The following CNTN4 variants were observed in gnomAD, a reference collection of about 807,000 sequenced individuals.
CNTN4 encodes the protein contactin 4, also known as contactin-4.
CNTN4 carries 77 observed loss-of-function variants against 122.5 expected under a neutral mutation model. That is an observed-to-expected ratio of 0.63 (90% CI 0.52 to 0.76). The LOEUF is 0.76. Among genes scored for constraint, CNTN4 ranks in the 30% least tolerant of loss-of-function variants. The pLI is 0.00. For missense variants in CNTN4, 1,256 were observed against 1,259.1 expected (o/e 1.00, Z 0.04); for synonymous variants, 512 against 447.0 (o/e 1.15, Z -1.83).
At chr3:2,481,167 G>A (rs1272897244) in intron 3 of CNTN4, among the ~76,000 whole-genome samples, 1 of 147,780 alleles carries the variant, frequency 6.8e-6, no homozygotes, top group Non-Finnish European at 1.5e-5. Flanking sequence ...TTGAAACAGA[G>A]TCTCGCTCTG....
intron 12 of CNTN4, among the ~76,000 whole-genome samples, chr3:2,916,973 C>T (rs369121213): frequency 3.8e-5 from 5 of 132,742 alleles, no homozygotes; most frequent in East Asian, 5.7e-4. Context: ...GAGGTTGCAG[C>T]GAGCCGAGAT....
intron 4 of CNTN4, among the ~76,000 whole-genome samples, chr3:2,667,520 A>C (rs933632366): frequency 1.3e-5 from 2 of 151,832 alleles, no homozygotes; most frequent in South Asian, 4.2e-4. Context: ...GATTACAAAA[A>C]TTTTCTCCCA....
chr3:2,535,321 T>G (rs1434125452), intron 3 of CNTN4, among the ~76,000 whole-genome samples: 1 of 152,198 alleles, frequency 6.6e-6, no homozygotes, highest in Non-Finnish European at 1.5e-5. Context: ...AGTTCTGCTT[T>G]CCCTTTGTTT....
At chr3:2,691,022 C>T (rs2085709908) in intron 4 of CNTN4, among the ~76,000 whole-genome samples, 1 of 152,198 alleles carries the variant, frequency 6.6e-6, no homozygotes, top group Non-Finnish European at 1.5e-5. Context: ...GAAACTGCTT[C>T]ATCACAAATA....
At position 2,709,538 on chromosome 3, in the gene CNTN4, C is replaced by T. The variant is rs190377928; in HGVS notation, c.56-26677C>T. On this transcript the variant is annotated intron_variant, in intron 4 of 24. Coordinates refer to ENST00000418658, the MANE Select transcript of CNTN4 (RefSeq NM_175607.3). This position sits in a 1 kb window ranked among gnomAD's most constrained non-coding sequence, Gnocchi z 5.0. Reference sequence around the variant, plus strand: ...CCTCAGGCTAAAGATTTATGCCAGACTTCTAGACCAGTCTCCTTTCCAATT... The same window carrying T: ...CCTCAGGCTAAAGATTTATGCCAGATTTCTAGACCAGTCTCCTTTCCAATT... Among the ~76,000 whole-genome samples, 1 of 152,192 alleles carries T rather than the reference C, an allele frequency of 6.6e-6. No individual in the cohort carries two copies. Among genetic ancestry groups the T allele is most frequent in the Non-Finnish European group, 1.5e-5 (1 of 68,040 alleles).
At chr3:2,233,047 C>T (rs2039548545) in intron 2 of CNTN4, among the ~76,000 whole-genome samples, 1 of 152,084 alleles carries the variant, frequency 6.6e-6, no homozygotes, top group Non-Finnish European at 1.5e-5. Context: ...TAATGGGGCG[C>T]CTGTTAAGAG....
chr3:2,269,982 G>T (rs1479727922), intron 2 of CNTN4, among the ~76,000 whole-genome samples: 5 of 101,714 alleles, frequency 4.9e-5, no homozygotes, highest in African/African-American at 1.5e-4. Flanking sequence ...TCGCTCTGTC[G>T]CCCAGGCCGG....
intron 8 of CNTN4, among the ~76,000 whole-genome samples, chr3:2,876,786 A>G (rs1449414307): frequency 2.0e-5 from 3 of 152,226 alleles, no homozygotes; most frequent in Admixed American, 1.3e-4. Flanking sequence ...GTTCTTCTAC[A>G]GAGTCCAGAC....
Position 3,057,821 on chromosome 3 carries a change from A to G in CNTN4, c.*1601A>G, listed in dbSNP as rs561014994. 6.5e-6 allele frequency: 1 copy of G among 152,678 alleles called. No individual in the cohort carries two copies. The highest frequency in any genetic ancestry group is 6.5e-5 in the Admixed American group (1 of 15,292). The allele number at this position is 152,678 out of a possible 1,614,324, so 9.5% of individuals were successfully genotyped here. A position where few individuals can be genotyped will look rare whatever the true frequency, so the allele number is the denominator to read the frequency against. ...ATTTAAAATCACATGCAAAAAAAAA[A>G]TCAGCAAAATAATAAAATGAACGAA... On this transcript the variant is annotated 3_prime_UTR_variant, in exon 25 of 25. Transcript: ENST00000418658.
At chr3:2,982,385 A>T (rs915378891) in intron 13 of CNTN4, among the ~76,000 whole-genome samples, 1 of 152,118 alleles carries the variant, frequency 6.6e-6, no homozygotes, top group Non-Finnish European at 1.5e-5. Context: ...AATTTCTAAC[A>T]TCTTATATTA....
chr3:2,385,658 A>G lies in CNTN4; in HGVS notation c.-89+46425A>G, dbSNP rs1160213151. ...TGCAGCTTGTGGGAGCATAACTCCA[A>G]GCTCATCTCTCATCCTCCATCTTCA... On this transcript the variant is annotated intron_variant, in intron 3 of 24. Transcript: ENST00000418658. This position sits in a 1 kb window ranked among gnomAD's most constrained non-coding sequence, Gnocchi z 4.0. Among the ~76,000 whole-genome samples the G allele has an allele frequency of 1.3e-5, 2 of 152,024 alleles. No individual in the cohort carries two copies. The highest frequency in any genetic ancestry group is 6.6e-5 in the Admixed American group (1 of 15,256).
Position 2,490,313 on chromosome 3 carries a change from T to C in CNTN4, c.-88-81103T>C, listed in dbSNP as rs2076280424. Among the ~76,000 whole-genome samples, 4 of 152,302 alleles carry C rather than the reference T, an allele frequency of 2.6e-5. No homozygotes were observed. The South Asian group carries it at 8.3e-4, about 32-fold the overall frequency. On this transcript the variant is annotated intron_variant, in intron 3 of 24. Transcript: ENST00000418658. ...AACTGTCACGCCCACTCTCATGGTT[T>C]TGTGTACTTTGAAGTACCACCTAGT...
chr3:2,379,182 A>G (rs565982509), intron 3 of CNTN4, among the ~76,000 whole-genome samples: 6 of 151,232 alleles, frequency 4.0e-5, no homozygotes, highest in African/African-American at 1.5e-4. Flanking sequence ...CATATATCCC[A>G]TTTTTTCTTT....
rs1013059212 is a variant in CNTN4, at chr3:2,347,325, C to T, written c.-89+8092C>T. Among the ~76,000 whole-genome samples the T allele has an allele frequency of 6.9e-5, 10 of 144,942 alleles. No homozygotes were observed. The East Asian group carries it at 7.8e-4, about 11-fold the overall frequency. On this transcript the variant is annotated intron_variant, in intron 3 of 24. Transcript: ENST00000418658. ...TAAACTGGCTCAGAAAGCTTCCTCC[C>T]GGAATTGACACACGTCATTTTTCCT...
chr3:2,712,260 TAA>T (rs1427165294), intron 4 of CNTN4, among the ~76,000 whole-genome samples: 1 of 152,180 alleles, frequency 6.6e-6, no homozygotes, highest in Non-Finnish European at 1.5e-5. Context: ...AGTGATTTTT[TAA>T]AAAGTCTTCT....
intron 2 of CNTN4, among the ~76,000 whole-genome samples, chr3:2,198,843 A>G (rs537211793): frequency 7.2e-5 from 11 of 152,274 alleles, no homozygotes; most frequent in African/African-American, 2.6e-4. Flanking sequence ...GCTCATCACA[A>G]AAGATACTAG....
intron 12 of CNTN4, among the ~76,000 whole-genome samples, chr3:2,921,989 A>C (rs533325980): frequency 1.3e-5 from 2 of 152,176 alleles, no homozygotes; most frequent in Non-Finnish European, 2.9e-5. Context: ...AATAATAAAA[A>C]GTTGCATTTC....
intron 10 of CNTN4, among the ~76,000 whole-genome samples, chr3:2,895,763 A>ATG (rs2094102598): frequency 3.3e-5 from 5 of 152,164 alleles, no homozygotes; most frequent in Admixed American, 3.3e-4. Context: ...GGCTGGGCGC[A>ATG]GTGGCTCACG....
intron 12 of CNTN4, among the ~76,000 whole-genome samples, chr3:2,913,190 T>C (rs1446018994): frequency 2.6e-5 from 4 of 151,680 alleles, no homozygotes; most frequent in African/African-American, 4.8e-5. Context: ...TTAAAACAAA[T>C]AAAAATCGAG....
Sources: allele counts gnomAD v4.1 joint callset (sites outside exome capture counted in the v4.1 genomes callset), GRCh38; gene constraint gnomAD v4.1.1; non-coding constraint Gnocchi (gnomAD v3.1); transcripts MANE v1.5; gene names NCBI Gene and HGNC (gene_info 2026-07-23, HGNC 2026-07-21).